The following PCSK7 variants were observed in gnomAD, a reference collection of about 807,000 sequenced individuals.
PCSK7 encodes the protein proprotein convertase subtilisin/kexin type 7, also known as lymphoma proprotein convertase.
Under a neutral mutation model 73.3 loss-of-function variants are expected in PCSK7, and 38 were observed. That is an observed-to-expected ratio of 0.52 (90% CI 0.40 to 0.68). PCSK7 has a LOEUF of 0.68. PCSK7 is among the 30% of genes least tolerant of loss of function. The probability of loss-of-function intolerance (pLI) is 0.00; values close to 1 mark genes in which losing one functional copy is unlikely to be tolerated. For synonymous variants in PCSK7, 296 were observed against 383.8 expected, an observed-to-expected ratio of 0.77 and a Z score of 2.68; for missense variants, 692 against 991.5, an observed-to-expected ratio of 0.70 and a Z score of 4.06.
intron 3 of PCSK7, among the ~76,000 whole-genome samples, chr11:117,229,078 T>G (rs191694773): frequency 6.6e-6 from 1 of 152,342 alleles, no homozygotes; most frequent in South Asian, 2.1e-4. Flanking sequence ...ACTTTACAGA[T>G]GGAGAAGCTG....
Position 117,232,051 on chromosome 11 carries a change from C to T in PCSK7, c.-157G>A, listed in dbSNP as rs536197503. On this transcript the variant is annotated 5_prime_UTR_variant, in exon 1 of 17. Transcript: ENST00000320934. The stretch of plus-strand genomic sequence containing the variant: ...CCGGCCCCGCCGCAGCTGCCGCCGC[C>T]TCCCTGCGGAAACTCGCGGCTTCCC... 3.3e-5 allele frequency: 5 copies of T among 152,544 alleles called. No individual in the cohort carries two copies. The highest frequency in any genetic ancestry group is 7.2e-5 in the African/African-American group (3 of 41,582). The allele number at this position is 152,544 out of a possible 1,614,324, so 9.4% of individuals were successfully genotyped here.
At chr11:117,221,666 G>A (rs2134316801) in intron 9 of PCSK7, 1 of 152,442 alleles carries the variant, frequency 6.6e-6, no homozygotes, top group East Asian at 1.9e-4. Context: ...GGAAGAGGGT[G>A]GTGAGGGTGA....
rs148084782 is a variant in PCSK7, at chr11:117,227,604, G to C, written c.604-282C>G. 4.8e-3 allele frequency among the ~76,000 whole-genome samples: 723 copies of C among 152,210 alleles called. 10 individuals are homozygous for C. Among genetic ancestry groups the C allele is most frequent in the African/African-American group, 0.016 (660 of 41,544 alleles). ...ACTATAGGTGAGCGCCACCACACTT[G>C]GCTAATTTTTGTATTTTTAGTAGAG... is the stretch of plus-strand genomic sequence containing the variant. On this transcript the variant is annotated intron_variant, in intron 4 of 16. Coordinates refer to ENST00000320934, the MANE Select transcript of PCSK7 (RefSeq NM_004716.4).
At chr11:117,223,507 G>A (rs1361643364) in intron 8 of PCSK7, 199 bp from the exon 9 acceptor site, 6 of 578,976 alleles carry the variant, frequency 1.0e-5, no homozygotes, top group Non-Finnish European at 1.9e-5. Flanking sequence ...GGCATTCTGT[G>A]CCGCAATACC....
intron 2 of PCSK7, 138 bp from the exon 3 acceptor site, chr11:117,229,994 C>G (rs1405471521): frequency 1.7e-6 from 1 of 600,068 alleles, no homozygotes; most frequent in African/African-American, 1.9e-5. Flanking sequence ...AACATTTGAT[C>G]TTCTCTTTTT....
rs1007020218 is a variant in PCSK7, at chr11:117,204,707, ACCAGCCCAGC to A, written c.*1280_*1289del. 9 of 371,534 alleles carry A rather than the reference ACCAGCCCAGC, an allele frequency of 2.4e-5. No homozygotes were observed. The highest frequency in any genetic ancestry group is 1.9e-4 in the African/African-American group (9 of 47,838). 23.0% of individuals were successfully genotyped at this position (371,534 alleles called of 1,614,324 possible). Reference sequence around the variant, plus strand: ...GGCGGCAAAAGCCCATTGAAGAAGAACCAGCCCAGCCTGCCCCCTATCTTGTCCTGGAATA... The same window carrying A: ...GGCGGCAAAAGCCCATTGAAGAAGAACTGCCCCCTATCTTGTCCTGGAATA... On this transcript the variant is annotated 3_prime_UTR_variant, in exon 17 of 17. Transcript: ENST00000320934.
intron 8 of PCSK7, chr11:117,223,816 A>T: frequency 2.1e-6 from 1 of 465,252 alleles, no homozygotes; most frequent in Non-Finnish European, 3.8e-6. Flanking sequence ...CCACAGAAAG[A>T]CAGGCCAGAG....
At chr11:117,216,858 A>G (rs889678665) in intron 12 of PCSK7, 9 of 152,208 alleles carry the variant, frequency 5.9e-5, no homozygotes, top group Non-Finnish European at 1.3e-4. Context: ...ACTGGCTCTG[A>G]AAAGCCAATG....
intron 3 of PCSK7, among the ~76,000 whole-genome samples, chr11:117,228,794 G>A (rs2032529616): frequency 1.3e-5 from 2 of 151,910 alleles, no homozygotes. Flanking sequence ...CTAATTTTTT[G>A]TATTTTTAGT....
intron 9 of PCSK7, chr11:117,221,404 A>C (rs549844807): frequency 6.6e-6 from 1 of 152,356 alleles, no homozygotes; most frequent in Admixed American, 6.5e-5. Flanking sequence ...TGTGAAGCCC[A>C]CGAACTTGTC....
intron 12 of PCSK7, chr11:117,216,411 G>A (rs1329636554): frequency 1.3e-5 from 2 of 151,782 alleles, no homozygotes; most frequent in African/African-American, 2.4e-5. Context: ...TGACTTCCTG[G>A]GACTGAGCTG....
At chr11:117,231,895 A>T (rs2032688372) in intron 1 of PCSK7, 132 bp downstream of exon 1, 1 of 152,496 alleles carries the variant, frequency 6.6e-6, no homozygotes, top group South Asian at 2.1e-4. Context: ...CTGGGGCCCC[A>T]TCTCCTTGGT....
At chr11:117,212,339 C>T (rs961948265) in intron 12 of PCSK7, 1 of 152,100 alleles carries the variant, frequency 6.6e-6, no homozygotes, top group African/African-American at 2.4e-5. Flanking sequence ...CATGCCCACA[C>T]CTTTTCCCCA....
chr11:117,228,989 C>A (rs1229059032), intron 3 of PCSK7, among the ~76,000 whole-genome samples: 2 of 152,212 alleles, frequency 1.3e-5, no homozygotes, highest in Non-Finnish European at 2.9e-5. Context: ...ATGTGTCAGG[C>A]ATGGTTCTAA....
intron 8 of PCSK7, 56 bp from the exon 9 acceptor site, chr11:117,223,364 G>A: frequency 1.9e-6 from 2 of 1,077,418 alleles, no homozygotes; most frequent in Non-Finnish European, 1.4e-6. Flanking sequence ...CTGTGGCAGG[G>A]GCTTGCTAAT....
At chr11:117,227,612 T>G (rs2032481382) in intron 4 of PCSK7, among the ~76,000 whole-genome samples, 1 of 152,046 alleles carries the variant, frequency 6.6e-6, no homozygotes, top group South Asian at 2.1e-4. Context: ...TTGGCTAATT[T>G]TTGTATTTTT....
Position 117,206,269 on chromosome 11 carries a change from T to TG in PCSK7, c.2085dup (p.Asn696GlnfsTer5). The TG allele has an allele frequency of 6.2e-7, 1 of 1,614,168 alleles. No individual in the cohort carries two copies. The highest frequency in any genetic ancestry group is 8.5e-7 in the Non-Finnish European group (1 of 1,180,024). ...CAGGGTCCACTCCTACAAACTTGAT[T>TG]GGAAGCCACATTCCTCTGGCTCAAA... On this transcript the variant is annotated frameshift_variant, in exon 17 of 17. Coordinates refer to ENST00000320934, the MANE Select transcript of PCSK7 (RefSeq NM_004716.4). LOFTEE classifies it low-confidence loss of function (END_TRUNC).
At chr11:117,215,864 T>G (rs1408929873) in intron 12 of PCSK7, 1 of 151,990 alleles carries the variant, frequency 6.6e-6, no homozygotes, top group African/African-American at 2.4e-5. Flanking sequence ...TAGCCTATTA[T>G]TATTTTTGAG....
In PCSK7 at chr11:117,215,396, A is replaced by T. The variant is rs1221896589; in HGVS notation, c.1534+3070T>A. 3.0e-4 allele frequency: 18 copies of T among 60,882 alleles called. 1 individual carries two copies. The highest frequency in any genetic ancestry group is 1.1e-3 in the African/African-American group (8 of 7,144). The allele number at this position is 60,882 out of a possible 1,614,324, so 3.8% of individuals were successfully genotyped here. ...TGTGTGTGTGTATATATATATATAT[A>T]TATATATATACTTTTTTTTTTTGAG... On this transcript the variant is annotated intron_variant, in intron 12 of 16. Coordinates refer to ENST00000320934, the MANE Select transcript of PCSK7 (RefSeq NM_004716.4).
Sources: allele counts gnomAD v4.1 joint callset (sites outside exome capture counted in the v4.1 genomes callset), GRCh38; gene constraint gnomAD v4.1.1; transcripts MANE v1.5; gene names NCBI Gene and HGNC (gene_info 2026-07-23, HGNC 2026-07-21).